The following CMSS1 variants were observed in gnomAD, a reference collection of about 807,000 sequenced individuals.
The protein encoded by CMSS1 is cms1 ribosomal small subunit homolog.
CMSS1 carries 33 observed loss-of-function variants against 43.5 expected under a neutral mutation model. The observed-to-expected ratio is 0.76, with a 90% CI of 0.57 to 1.01. CMSS1 has a LOEUF of 1.01. Among genes scored for constraint, CMSS1 ranks in the 50% least tolerant of loss-of-function variants. CMSS1 has a pLI of 0.00. For synonymous variants in CMSS1, 115 were observed against 117.2 expected, an observed-to-expected ratio of 0.98 and a Z score of 0.12; for missense variants, 313 against 326.4, an observed-to-expected ratio of 0.96 and a Z score of 0.32.
At chr3:100,011,324 A>G (rs892493735) in intron 1 of CMSS1, among the ~76,000 whole-genome samples, 5 of 151,992 alleles carry the variant, frequency 3.3e-5, no homozygotes, top group African/African-American at 9.7e-5. Flanking sequence ...AGCAACCAAA[A>G]CCTAAAAACC....
chr3:99,849,674 C>G (rs779971375), intron 1 of CMSS1: 1 of 1,613,352 alleles, frequency 6.2e-7, no homozygotes, highest in East Asian at 2.2e-5. Context: ...TGAGCTTTGT[C>G]TCGTTCATTA....
intron 1 of CMSS1, among the ~76,000 whole-genome samples, chr3:100,132,227 C>A (rs1015529351): frequency 2.4e-5 from 1 of 41,336 alleles, no homozygotes; most frequent in South Asian, 9.0e-4. Flanking sequence ...CAAAGAAAGA[C>A]CCCCATCTCT....
rs114639964 is a variant in CMSS1 at position 99,940,593 on chromosome 3, T to C, written c.64+122550T>C. 6.1e-3 allele frequency among the ~76,000 whole-genome samples: 937 copies of C among 152,360 alleles called. 6 individuals carry two copies. The highest frequency in any genetic ancestry group is 0.018 in the African/African-American group (742 of 41,580). On this transcript the variant is annotated intron_variant, in intron 1 of 9. Transcript: ENST00000421999. ...TCTTGCCTACATCTCTGTTGTTCTT[T>C]CCATTGTATCACTTCTTGTTCATAG...
At chr3:99,942,118 G>A (rs879764530) in intron 1 of CMSS1, among the ~76,000 whole-genome samples, 9 of 152,056 alleles carry the variant, frequency 5.9e-5, no homozygotes, top group South Asian at 4.2e-4. Context: ...GGAGAATGGC[G>A]TGAACCTGGG....
rs1201498339 is a variant in CMSS1 at position 100,181,262 on chromosome 3, A to T, written c.*2874A>T. Reference sequence around the variant, plus strand: ...TGGCCCTTTGTAAACGTATAAAAAGACAACAATATAATTACAGCTGTCTTA... The same window carrying T: ...TGGCCCTTTGTAAACGTATAAAAAGTCAACAATATAATTACAGCTGTCTTA... On this transcript the variant is annotated 3_prime_UTR_variant, in exon 10 of 10. Coordinates refer to ENST00000421999, the MANE Select transcript of CMSS1 (RefSeq NM_032359.4). 1 of 152,252 alleles carries T rather than the reference A, an allele frequency of 6.6e-6. No homozygotes were observed. 9.4% of individuals were successfully genotyped at this position (152,252 alleles called of 1,614,324 possible). A position where few individuals can be genotyped will look rare whatever the true frequency, so the allele number is the denominator to read the frequency against.
At chr3:99,911,393 TC>T (rs1706782785) in intron 1 of CMSS1, among the ~76,000 whole-genome samples, 1 of 151,618 alleles carries the variant, frequency 6.6e-6, no homozygotes, top group South Asian at 2.1e-4. Context: ...CAAATTTGAC[TC>T]TAGACACACT....
intron 1 of CMSS1, among the ~76,000 whole-genome samples, chr3:99,976,546 A>G (rs1377162673): frequency 6.6e-6 from 1 of 152,142 alleles, no homozygotes; most frequent in Non-Finnish European, 1.5e-5. Flanking sequence ...TTCTTTCACC[A>G]CATTGAAGAT....
intron 1 of CMSS1, among the ~76,000 whole-genome samples, chr3:99,981,189 C>T (rs1709113143): frequency 1.3e-5 from 2 of 152,182 alleles, no homozygotes; most frequent in South Asian, 2.1e-4. Context: ...TCTTTGACAC[C>T]TGACTTTTGT....
At position 99,983,770 on chromosome 3, in the gene CMSS1, A is replaced by G. The variant is rs115148563; in HGVS notation, c.65-163203A>G. Among the ~76,000 whole-genome samples the G allele has an allele frequency of 7.2e-3, 1,087 of 151,704 alleles. 4 individuals are homozygous for G. The highest frequency in any genetic ancestry group is 9.9e-3 in the African/African-American group (410 of 41,382). ...CCAACTGTTCAGACCCCAATATTCC[A>G]TGTAACTCTACCTGTAGCTAGCAAG... is the stretch of plus-strand genomic sequence containing the variant. On this transcript the variant is annotated intron_variant, in intron 1 of 9. Transcript: ENST00000421999.
chr3:100,047,685 A>G lies in CMSS1; in HGVS notation c.65-99288A>G, dbSNP rs974368875. 3.3e-5 allele frequency among the ~76,000 whole-genome samples: 5 copies of G among 152,338 alleles called. No homozygotes were observed. The East Asian group carries it at 9.7e-4, about 29-fold the overall frequency. On this transcript the variant is annotated intron_variant, in intron 1 of 9. Transcript: ENST00000421999. ...CTTCTGGAAGCCTCACTGTATGTGA[A>G]GTCAAGAAACAATGCCCCTGCCACT...
At chr3:99,841,939 T>C (rs909027819) in intron 1 of CMSS1, among the ~76,000 whole-genome samples, 2 of 152,154 alleles carry the variant, frequency 1.3e-5, no homozygotes, top group African/African-American at 2.4e-5. Flanking sequence ...CTTAAAGAAC[T>C]AAAAGTAGAT....
rs139355781 is a variant in CMSS1, at chr3:100,162,333, G to T, written c.256G>T (p.Glu86Ter). 3 of 1,612,000 alleles carry T rather than the reference G, an allele frequency of 1.9e-6. No homozygotes were observed. The African/African-American group carries it at 4.0e-5, about 22-fold the overall frequency. ...AATTACTGATGTTCTTGCAAAATCA[G>T]AACCAAAACCAGGGTTACCTGAAGA... ...KKITDVLAKS[E>*]PKPGLPEDLQ... The change falls in exon 4 of 10, where the codon GAA becomes TAA. Residue 86 changes from glutamate (E) to a stop codon, truncating the protein, a stop_gained. Coordinates refer to ENST00000421999, the MANE Select transcript of CMSS1 (RefSeq NM_032359.4). LOFTEE classifies it high-confidence loss of function.
intron 1 of CMSS1, among the ~76,000 whole-genome samples, chr3:99,878,209 T>C (rs193083615): frequency 2.2e-4 from 33 of 152,350 alleles, no homozygotes; most frequent in Non-Finnish European, 4.0e-4. Flanking sequence ...GTCATAGTTA[T>C]GTGACCACTG....
At chr3:99,978,743 A>T (rs926459399) in intron 1 of CMSS1, among the ~76,000 whole-genome samples, 2 of 152,104 alleles carry the variant, frequency 1.3e-5, no homozygotes, top group African/African-American at 4.8e-5. Context: ...AAAAATAGAA[A>T]AATTAACCAG....
intron 1 of CMSS1, chr3:99,874,261 A>G (rs1453205620): frequency 2.0e-5 from 3 of 152,230 alleles, no homozygotes; most frequent in Non-Finnish European, 4.4e-5. Context: ...GTTGTAGTTT[A>G]TGGTACAGAT....
At chr3:100,135,960 A>G (rs968764590) in intron 1 of CMSS1, among the ~76,000 whole-genome samples, 2 of 152,146 alleles carry the variant, frequency 1.3e-5, no homozygotes, top group Admixed American at 6.5e-5. Context: ...AAATTTTGTA[A>G]GCAAACTCTA....
At chr3:100,123,178 A>G (rs2066635736) in intron 1 of CMSS1, among the ~76,000 whole-genome samples, 1 of 152,234 alleles carries the variant, frequency 6.6e-6, no homozygotes, top group Admixed American at 6.5e-5. Context: ...GGAGTGAGCG[A>G]ACCTCAGATG....
intron 1 of CMSS1, among the ~76,000 whole-genome samples, chr3:99,955,238 G>A (rs1708288121): frequency 6.6e-6 from 1 of 152,162 alleles, no homozygotes; most frequent in Non-Finnish European, 1.5e-5. Context: ...AAAGTGGCAT[G>A]CTCACACAGA....
chr3:99,890,153 T>C (rs1454522450), intron 1 of CMSS1, among the ~76,000 whole-genome samples: 1 of 152,128 alleles, frequency 6.6e-6, no homozygotes, highest in Non-Finnish European at 1.5e-5. Context: ...TATAGAATGC[T>C]TGGTTGAGAC....
Sources: gnomAD v4.1 joint callset for allele counts (sites outside exome capture counted in the v4.1 genomes callset) on GRCh38, gnomAD v4.1.1 for gene constraint, MANE v1.5 for transcripts, NCBI Gene and HGNC (gene_info 2026-07-23, HGNC 2026-07-21) for gene names.